The following MICU2 variants were observed in gnomAD, a reference collection of about 807,000 sequenced individuals.
MICU2 encodes calcium uptake protein 2, mitochondrial.
Under a neutral mutation model 60.4 loss-of-function variants are expected in MICU2, and 64 were observed. The ratio of observed to expected loss-of-function variants is 1.06; its 90% CI spans 0.87 to 1.31. The LOEUF is 1.31. Among genes scored for constraint, MICU2 ranks in the 50% most tolerant of loss-of-function variants. MICU2 has a pLI of 0.00. For synonymous variants in MICU2, 201 were observed against 175.0 expected (o/e 1.15, Z -1.17); for missense variants, 569 against 531.0 (o/e 1.07, Z -0.70).
At chr13:21,496,362 G>T (rs1238448902) in intron 9 of MICU2, 2 of 494,596 alleles carry the variant, frequency 4.0e-6, no homozygotes, top group Non-Finnish European at 7.1e-6. Flanking sequence ...CTGTGTGCAG[G>T]CTGGGCAAGA....
chr13:21,509,964 C>A, intron 8 of MICU2, 40 bp downstream of exon 8: 1 of 1,129,632 alleles, frequency 8.9e-7, no homozygotes, highest in South Asian at 1.5e-5. Flanking sequence ...ATTTCTTACC[C>A]ATAAAATTTC....
At chr13:21,531,289 G>A (rs932589697) in intron 4 of MICU2, 22 of 1,568,924 alleles carry the variant, frequency 1.4e-5, no homozygotes, top group Non-Finnish European at 1.9e-5. Flanking sequence ...AGCAAACACA[G>A]CACAGAAAAT....
chr13:21,577,300 C>T (rs1184842321), intron 1 of MICU2, among the ~76,000 whole-genome samples: 1 of 152,162 alleles, frequency 6.6e-6, no homozygotes, highest in East Asian at 1.9e-4. Flanking sequence ...AATTAAAACA[C>T]CTTACAAAGC....
chr13:21,585,607 A>C (rs1457368557), intron 1 of MICU2, among the ~76,000 whole-genome samples: 1 of 152,216 alleles, frequency 6.6e-6, no homozygotes, highest in Non-Finnish European at 1.5e-5. Flanking sequence ...AACAATGCCA[A>C]TTTAATTTTA....
chr13:21,499,434 G>C (rs1032733669), intron 9 of MICU2, among the ~76,000 whole-genome samples: 5 of 151,218 alleles, frequency 3.3e-5, no homozygotes, highest in African/African-American at 1.2e-4. Context: ...TTTTGAGATG[G>C]AGTCTCGCTC....
At chr13:21,540,775 T>G (rs964218125) in intron 2 of MICU2, among the ~76,000 whole-genome samples, 3 of 152,142 alleles carry the variant, frequency 2.0e-5, no homozygotes, top group African/African-American at 7.2e-5. Flanking sequence ...CAGATTCTAC[T>G]GTTAGGTGTT....
intron 1 of MICU2, among the ~76,000 whole-genome samples, chr13:21,595,520 T>C (rs1888673591): frequency 6.6e-6 from 1 of 152,244 alleles, no homozygotes; most frequent in South Asian, 2.1e-4. Context: ...CCATGGCAGC[T>C]CCAGGGGCCC....
At chr13:21,561,223 T>C (rs1036597177) in intron 2 of MICU2, among the ~76,000 whole-genome samples, 2 of 152,230 alleles carry the variant, frequency 1.3e-5, no homozygotes, top group African/African-American at 4.8e-5. Flanking sequence ...AAATTTGGTC[T>C]ATCTTGGTGA....
chr13:21,584,896 T>A (rs2798275), intron 1 of MICU2, among the ~76,000 whole-genome samples: 82,462 of 152,046 alleles, frequency 0.54, 24,118 homozygotes, highest in East Asian at 1. Context: ...ATAATTTGTA[T>A]ATATTAGCTA....
chr13:21,517,185 C>T (rs980920150), intron 6 of MICU2, among the ~76,000 whole-genome samples: 1 of 152,144 alleles, frequency 6.6e-6, no homozygotes, highest in Non-Finnish European at 1.5e-5. Context: ...TGAATATTTA[C>T]AAAACACAAA....
intron 2 of MICU2, among the ~76,000 whole-genome samples, chr13:21,549,225 A>G (rs1323834968): frequency 1.2e-4 from 18 of 152,066 alleles, no homozygotes; most frequent in Non-Finnish European, 7.4e-5. Context: ...TAGCGTGCCC[A>G]GCTGACAAGC....
chr13:21,562,279 G>A (rs6490661), intron 2 of MICU2, among the ~76,000 whole-genome samples: 143,790 of 152,130 alleles, frequency 0.95, 68,118 homozygotes, highest in East Asian at 1. Flanking sequence ...TCTCTGAGGA[G>A]TCGCCACACT....
chr13:21,521,836 C>G (rs4770171), intron 5 of MICU2, among the ~76,000 whole-genome samples: 148,913 of 152,330 alleles, frequency 0.98, 72,864 homozygotes, highest in Middle Eastern at 1. Flanking sequence ...GAGTGCAGTA[C>G]CGTGATCACA....
At chr13:21,531,290 C>T (rs1886992450) in intron 4 of MICU2, 1 of 1,569,706 alleles carries the variant, frequency 6.4e-7, no homozygotes. Flanking sequence ...GCAAACACAG[C>T]ACAGAAAATG....
intron 1 of MICU2, among the ~76,000 whole-genome samples, chr13:21,576,985 G>C (rs1250810300): frequency 1.3e-5 from 2 of 152,030 alleles, no homozygotes; most frequent in Non-Finnish European, 2.9e-5. Flanking sequence ...GAATAACGAA[G>C]GTTTGAATTC....
At chr13:21,506,787 A>C (rs1042627533) in intron 8 of MICU2, among the ~76,000 whole-genome samples, 7 of 152,126 alleles carry the variant, frequency 4.6e-5, no homozygotes, top group Non-Finnish European at 8.8e-5. Flanking sequence ...CCCTCCCTTC[A>C]GGGACCTTGC....
chr13:21,556,588 A>G (rs973828771), intron 2 of MICU2, among the ~76,000 whole-genome samples: 2 of 152,210 alleles, frequency 1.3e-5, no homozygotes, highest in Non-Finnish European at 2.9e-5. Context: ...AGAATGAGAC[A>G]GTGGAGAGAA....
intron 5 of MICU2, 22 bp from the exon 6 acceptor site, chr13:21,521,349 A>G (rs1886712851): frequency 6.3e-7 from 1 of 1,589,410 alleles, no homozygotes; most frequent in Non-Finnish European, 8.5e-7. Flanking sequence ...TGAAAAATGA[A>G]TATTTAAATG....
intron 6 of MICU2, chr13:21,515,591 A>T: frequency 4.6e-6 from 2 of 436,068 alleles, no homozygotes; most frequent in Non-Finnish European, 9.2e-6. Context: ...TAAAAAAGAA[A>T]GCATTTTAAA....
Sources: allele counts gnomAD v4.1 joint callset (sites outside exome capture counted in the v4.1 genomes callset), GRCh38; gene constraint gnomAD v4.1.1; transcripts MANE v1.5; gene names NCBI Gene and HGNC (gene_info 2026-07-23, HGNC 2026-07-21).